Variants in HTT observed in about 807,000 individuals in gnomAD.
HTT encodes huntington disease protein.
HTT carries 104 observed loss-of-function variants against 362.3 expected under a neutral mutation model. The ratio of observed to expected loss-of-function variants is 0.29; its 90% CI spans 0.24 to 0.34. The LOEUF (loss-of-function observed/expected upper bound fraction) is 0.34, where lower values mean the gene tolerates loss of function less well. Ranked by LOEUF, HTT falls within the 10% of genes least tolerant of loss-of-function variation. The pLI is 1.00. For missense variants in HTT, 3,301 were observed against 3,928.6 expected (o/e 0.84, Z 4.27); for synonymous variants, 1,577 against 1,548.7 (o/e 1.02, Z -0.43).
chr4:3,155,911 AAAG>A (rs1389741949), intron 27 of HTT, among the ~76,000 whole-genome samples: 4 of 151,816 alleles, frequency 2.6e-5, no homozygotes, highest in Non-Finnish European at 5.9e-5. Context: ...AAAAAAAAAA[AAAG>A]AAGAAATACA....
chr4:3,162,602 G>T (rs1717499036), intron 29 of HTT, among the ~76,000 whole-genome samples: 1 of 152,090 alleles, frequency 6.6e-6, no homozygotes, highest in Admixed American at 6.5e-5. Flanking sequence ...TTATTTCCTT[G>T]AGCAGTGGTT....
intron 57 of HTT, among the ~76,000 whole-genome samples, chr4:3,227,095 G>A (rs141414849): frequency 2.6e-5 from 4 of 152,196 alleles, no homozygotes; most frequent in East Asian, 3.8e-4. Flanking sequence ...GTCTGTGCCC[G>A]AGGTATTCCC....
intron 29 of HTT, among the ~76,000 whole-genome samples, chr4:3,166,826 C>T (rs748647552): frequency 4.6e-5 from 7 of 152,218 alleles, no homozygotes; most frequent in Non-Finnish European, 8.8e-5. Flanking sequence ...GTGTACTGCT[C>T]CTTCAGGTAC....
intron 6 of HTT, among the ~76,000 whole-genome samples, chr4:3,114,146 G>A (rs1714903604): frequency 6.6e-6 from 1 of 152,214 alleles, no homozygotes; most frequent in East Asian, 1.9e-4. Context: ...TAAAAGAAGA[G>A]GTTGGGCTAG....
At position 3,212,647 on chromosome 4, in the gene HTT, C is replaced by G; in HGVS notation, c.6712C>G (p.His2238Asp). The G allele has an allele frequency of 6.2e-7, 1 of 1,614,232 alleles. No individual in the cohort carries two copies. The highest frequency in any genetic ancestry group is 1.1e-5 in the South Asian group (1 of 91,078). The change falls in exon 49 of 67, where the codon CAT (histidine) becomes GAT (aspartate). Residue 2238 changes from histidine to aspartate, a missense_variant. His to Asp is a moderately conservative substitution (Grantham distance 81). Around this residue, in one of 4 missense-constraint regions of HTT, gnomAD observed 220 missense variants for 218.5 expected, o/e 1.01. Coordinates refer to ENST00000355072, the MANE Select transcript of HTT (RefSeq NM_001388492.1). ...YLVVVSKLPS[H>D]LHLPPEKEKD... is the part of the protein sequence containing the mutation. ...GGTGGTGGTCTCCAAACTGCCCAGTCATTTGCACCTTCCTCCTGAGAAAGA... is the reference window on the plus strand; with the variant it reads ...GGTGGTGGTCTCCAAACTGCCCAGTGATTTGCACCTTCCTCCTGAGAAAGA...
chr4:3,198,324 A>T (rs1040221719), intron 40 of HTT, among the ~76,000 whole-genome samples: 2 of 146,914 alleles, frequency 1.4e-5, no homozygotes, highest in Non-Finnish European at 3.0e-5. Context: ...TCCTGGGTTC[A>T]AGCAATTCTT....
At chr4:3,146,046 A>G (rs1356011983) in intron 24 of HTT, among the ~76,000 whole-genome samples, 2 of 152,268 alleles carry the variant, frequency 1.3e-5, no homozygotes, top group African/African-American at 4.8e-5. Flanking sequence ...AATTTAAAAT[A>G]TAGATTTAAA....
chr4:3,115,525 C>T, intron 7 of HTT, 80 bp downstream of exon 7: 3 of 1,164,884 alleles, frequency 2.6e-6, no homozygotes, highest in Non-Finnish European at 3.8e-6. Flanking sequence ...ACCAGATGAT[C>T]CCTCAGCTTC....
intron 28 of HTT, among the ~76,000 whole-genome samples, 161 bp downstream of exon 28, chr4:3,157,360 A>C (rs149320725): frequency 4.6e-5 from 7 of 152,312 alleles, no homozygotes; most frequent in African/African-American, 1.7e-4. Context: ...TGTTTATGAT[A>C]GCTTCTATCA....
chr4:3,122,947 C>A lies in HTT; in HGVS notation c.1321+11C>A. ...CAAGAAAACAAAAAGGTGATTATTT[C>A]AGAAATCAGAGTCTTGTGTTGAATC... On this transcript the variant is annotated intron_variant, in intron 10 of 66. Transcript: ENST00000355072. 1 of 1,604,998 alleles carries A rather than the reference C, an allele frequency of 6.2e-7. No individual in the cohort carries two copies. The highest frequency in any genetic ancestry group is 8.5e-7 in the Non-Finnish European group (1 of 1,173,532).
chr4:3,190,480 A>C (rs1188409848), intron 40 of HTT, among the ~76,000 whole-genome samples: 1 of 151,722 alleles, frequency 6.6e-6, no homozygotes, highest in Non-Finnish European at 1.5e-5. Flanking sequence ...CTCACACCTG[A>C]AATCCCAGCA....
At chr4:3,219,045 A>G (rs1720553196) in intron 52 of HTT, among the ~76,000 whole-genome samples, 1 of 152,168 alleles carries the variant, frequency 6.6e-6, no homozygotes, top group African/African-American at 2.4e-5. Flanking sequence ...GCAGGGAATG[A>G]AGGTATTCCA....
rs757573368 is a variant in HTT at position 3,148,126 on chromosome 4, G to A, written c.3417G>A (p.Glu1139=). 3 of 1,613,862 alleles carry A rather than the reference G, an allele frequency of 1.9e-6. No individual in the cohort carries two copies. Among genetic ancestry groups the A allele is most frequent in the Admixed American group, 1.7e-5 (1 of 59,956 alleles). Reference sequence around the variant, plus strand: ...ACCGGGCCCTGGTGCCCATGGTGGAGCAGCTCTTCTCTCACCTGCTGAAGG... The same window carrying A: ...ACCGGGCCCTGGTGCCCATGGTGGAACAGCTCTTCTCTCACCTGCTGAAGG... ...LGDRALVPMV[E]QLFSHLLKVI... is the part of the protein sequence containing the mutation. The change falls in exon 26 of 67, where the codon GAG becomes GAA. Residue 1139 remains glutamate, a synonymous_variant. Coordinates refer to ENST00000355072, the MANE Select transcript of HTT (RefSeq NM_001388492.1).
rs1371750264 is a variant in HTT, at chr4:3,157,105, C to A, written c.3659C>A (p.Thr1220Lys). The A allele has an allele frequency of 5.6e-6, 9 of 1,612,634 alleles. No homozygotes were observed. The highest frequency in any genetic ancestry group is 5.9e-6 in the Non-Finnish European group (7 of 1,179,070). Residue 1220 changes from threonine to lysine, a missense_variant, in exon 28 of 67, where the codon ACA (threonine) becomes AAA (lysine). Around this residue, in one of 4 missense-constraint regions of HTT, gnomAD observed 2,316 missense variants for 2,658.5 expected, o/e 0.87. Coordinates refer to ENST00000355072, the MANE Select transcript of HTT (RefSeq NM_001388492.1). ...CAATCTGATACCTCAGGTCCTGTTA[C>A]AACAAGTAAATCCTCATCACTGGGG... ...SRQSDTSGPV[T>K]TSKSSSLGSF...
At position 3,116,101 on chromosome 4, in the gene HTT, C is replaced by G. The variant is rs199509618; in HGVS notation, c.906C>G (p.Val302=). The change falls in exon 8 of 67, where the codon GTC becomes GTG. Residue 302 remains valine, a synonymous_variant. Transcript: ENST00000355072. The stretch of plus-strand genomic sequence containing the variant: ...CCCCCACAGGCTTACTCGTTCCTGT[C>G]GAGGATGAACACTCCACTCTGCTGA... ...LNVLLGLLVP[V]EDEHSTLLIL... 1 of 1,610,954 alleles carries G rather than the reference C, an allele frequency of 6.2e-7. No individual in the cohort carries two copies. Among genetic ancestry groups the G allele is most frequent in the Non-Finnish European group, 8.5e-7 (1 of 1,178,390 alleles).
chr4:3,142,567 C>G (rs1716401113), intron 22 of HTT, among the ~76,000 whole-genome samples, 199 bp from the exon 23 acceptor site: 1 of 151,986 alleles, frequency 6.6e-6, no homozygotes, highest in Non-Finnish European at 1.5e-5. Context: ...GTGTTCGGGG[C>G]AGACTGGGAG....
chr4:3,166,243 G>T (rs1482895030), intron 29 of HTT, among the ~76,000 whole-genome samples: 1 of 152,210 alleles, frequency 6.6e-6, no homozygotes, highest in South Asian at 2.1e-4. Flanking sequence ...ACCAGCAGAG[G>T]CTGCAGAACA....
chr4:3,077,865 G>C (rs1712648183), intron 1 of HTT, among the ~76,000 whole-genome samples: 1 of 149,702 alleles, frequency 6.7e-6, no homozygotes, highest in African/African-American at 2.5e-5. Flanking sequence ...CACTAATTTT[G>C]AGTAACAAAC....
intron 1 of HTT, among the ~76,000 whole-genome samples, chr4:3,080,966 G>A (rs543337796): frequency 1.1e-4 from 16 of 152,306 alleles, no homozygotes; most frequent in Admixed American, 1.3e-4. Context: ...TCCTGTGCCA[G>A]TACCATACAG....
Sources: gnomAD v4.1 joint callset for allele counts (sites outside exome capture counted in the v4.1 genomes callset) on GRCh38, gnomAD v4.1.1 for gene constraint, gnomAD v4.1.1 regional missense constraint, MANE v1.5 for transcripts, NCBI Gene and HGNC (gene_info 2026-07-23, HGNC 2026-07-21) for gene names.